ITPR2: variants seen among roughly 807,000 people sequenced by gnomAD.
ITPR2 encodes the protein inositol 1,4,5-trisphosphate receptor type 2.
ITPR2 carries 207 observed loss-of-function variants against 317.1 expected under a neutral mutation model. That is an observed-to-expected ratio of 0.65 (90% CI 0.58 to 0.73). ITPR2 has a LOEUF of 0.73. ITPR2 is among the 30% of genes least tolerant of loss of function. The probability of loss-of-function intolerance (pLI) is 0.00; values close to 1 mark genes in which losing one functional copy is unlikely to be tolerated. For missense variants in ITPR2, 2,613 were observed against 3,284.0 expected, an observed-to-expected ratio of 0.80 and a Z score of 4.99; for synonymous variants, 1,156 against 1,149.1, an observed-to-expected ratio of 1.01 and a Z score of -0.12.
chr12:26,360,545 C>G (rs958701600), intron 55 of ITPR2, among the ~76,000 whole-genome samples: 2 of 152,216 alleles, frequency 1.3e-5, no homozygotes, highest in East Asian at 3.9e-4. Flanking sequence ...GTGGCTTCCA[C>G]ATACTGCCAG....
chr12:26,458,240 G>A (rs1337583726), intron 45 of ITPR2, among the ~76,000 whole-genome samples: 1 of 152,190 alleles, frequency 6.6e-6, no homozygotes, highest in Admixed American at 6.5e-5. Flanking sequence ...GGAGTGAGCA[G>A]CTCTGCCAGG....
chr12:26,600,417 A>T (rs1247784024), intron 28 of ITPR2, among the ~76,000 whole-genome samples: 1 of 151,344 alleles, frequency 6.6e-6, no homozygotes, highest in Non-Finnish European at 1.5e-5. Flanking sequence ...ACGTTTCCTC[A>T]TCTCTGTACA....
chr12:26,516,285 G>GGGAAAGGAAA lies in ITPR2; in HGVS notation c.5074-21035_5074-21026dup, dbSNP rs1230277194. ...AGGAAAGGAAAGGAAGGGAAGGGAA[G>GGGAAAGGAAA]GGAAAGGAAAGGAAAGGAAAGGAAA... On this transcript the variant is annotated intron_variant, in intron 37 of 56. Transcript: ENST00000381340. Among the ~76,000 whole-genome samples, 309 of 42,536 alleles carry GGGAAAGGAAA rather than the reference G, an allele frequency of 7.3e-3. 6 individuals carry two copies. Among genetic ancestry groups the GGGAAAGGAAA allele is most frequent in the African/African-American group, 0.019 (158 of 8,316 alleles). 27.9% of individuals were successfully genotyped at this position (42,536 alleles called of 152,430 possible).
intron 21 of ITPR2, among the ~76,000 whole-genome samples, chr12:26,634,572 C>T (rs1172760091): frequency 6.6e-6 from 1 of 152,064 alleles, no homozygotes; most frequent in African/African-American, 2.4e-5. Flanking sequence ...TGGAAGTCAT[C>T]TTTGCTAAGT....
intron 2 of ITPR2, among the ~76,000 whole-genome samples, chr12:26,772,491 C>CATTATTATATATAATAT (rs3064583): frequency 9.9e-6 from 1 of 100,506 alleles, no homozygotes; most frequent in Non-Finnish European, 2.1e-5. Context: ...ATATATAATA[C>CATTATTATATATAATAT]ATATAATACA....
chr12:26,338,555 T>G lies in ITPR2; in HGVS notation c.*842A>C, dbSNP rs1296656156. 6.6e-6 allele frequency: 1 copy of G among 152,462 alleles called. No homozygotes were observed. The highest frequency in any genetic ancestry group is 1.9e-4 in the East Asian group (1 of 5,200). The allele number at this position is 152,462 out of a possible 1,614,324, so 9.4% of individuals were successfully genotyped here. On this transcript the variant is annotated 3_prime_UTR_variant, in exon 57 of 57. Coordinates refer to ENST00000381340, the MANE Select transcript of ITPR2 (RefSeq NM_002223.4). ...TTCCTATCACTTTTAAGCATTTTCA[T>G]GTATTAATCTCAATATATTTTAATA...
intron 1 of ITPR2, among the ~76,000 whole-genome samples, chr12:26,794,383 G>A (rs544951272): frequency 6.6e-6 from 1 of 152,268 alleles, no homozygotes; most frequent in East Asian, 1.9e-4. Flanking sequence ...AAGAGAAAAT[G>A]CATCGTTTTC....
Position 26,678,279 on chromosome 12 carries a change from G to C in ITPR2, c.1409+3595C>G, listed in dbSNP as rs374526439. Among the ~76,000 whole-genome samples the C allele has an allele frequency of 1.7e-4, 26 of 152,220 alleles. No individual in the cohort carries two copies. The East Asian group carries it at 2.7e-3, about 16-fold the overall frequency. On this transcript the variant is annotated intron_variant, in intron 13 of 56. Transcript: ENST00000381340. Reference sequence around the variant, plus strand: ...ATATGTTCCCAGTCCTCTCTATTTTGTGGGTGCAATTATGTAGAATAAGAT... The same window carrying C: ...ATATGTTCCCAGTCCTCTCTATTTTCTGGGTGCAATTATGTAGAATAAGAT...
At chr12:26,497,618 C>T (rs1942969798) in intron 37 of ITPR2, among the ~76,000 whole-genome samples, 1 of 152,164 alleles carries the variant, frequency 6.6e-6, no homozygotes, top group Admixed American at 6.5e-5. Context: ...ATGGCATAGC[C>T]TGTCTACTAA....
chr12:26,600,149 G>A (rs779580194), intron 28 of ITPR2, 40 bp from the exon 29 acceptor site: 21 of 1,562,206 alleles, frequency 1.3e-5, no homozygotes, highest in Non-Finnish European at 3.5e-6. Flanking sequence ...AACAAACATA[G>A]GAGACAGCAA....
chr12:26,493,781 T>C (rs1310970106), intron 39 of ITPR2, among the ~76,000 whole-genome samples: 1 of 152,180 alleles, frequency 6.6e-6, no homozygotes, highest in Admixed American at 6.5e-5. Flanking sequence ...CTCGGGCTCA[T>C]GCAGCATGTT....
At chr12:26,555,172 C>T (rs1944628655) in intron 36 of ITPR2, among the ~76,000 whole-genome samples, 2 of 152,178 alleles carry the variant, frequency 1.3e-5, no homozygotes, top group African/African-American at 4.8e-5. Flanking sequence ...TTTTCTCATC[C>T]CATACCTTGT....
intron 21 of ITPR2, among the ~76,000 whole-genome samples, chr12:26,637,804 A>G (rs7972382): frequency 0.84 from 127,169 of 152,142 alleles, 53,430 homozygotes; most frequent in East Asian, 0.97. Flanking sequence ...CGGCATGATC[A>G]AAACACAATA....
At chr12:26,782,008 A>G (rs1950089387) in intron 2 of ITPR2, among the ~76,000 whole-genome samples, 1 of 28,326 alleles carries the variant, frequency 3.5e-5, no homozygotes, top group South Asian at 1.3e-3. Context: ...ATATATATAT[A>G]TATATATATA....
intron 37 of ITPR2, among the ~76,000 whole-genome samples, chr12:26,516,130 A>AAAAAG (rs958987215): frequency 1.4e-5 from 2 of 144,846 alleles, no homozygotes; most frequent in Admixed American, 1.4e-4. Context: ...TCTCAAAAGA[A>AAAAAG]AAAAGAAAAG....
chr12:26,811,867 A>G (rs568310172), intron 1 of ITPR2, among the ~76,000 whole-genome samples: 205 of 148,882 alleles, frequency 1.4e-3, no homozygotes, highest in African/African-American at 4.5e-3. Flanking sequence ...AAAAAAAAAA[A>G]AAAAAGAAAT....
chr12:26,722,973 T>C (rs1289437882), intron 4 of ITPR2, among the ~76,000 whole-genome samples: 1 of 152,092 alleles, frequency 6.6e-6, no homozygotes, highest in Non-Finnish European at 1.5e-5. Context: ...CCACTTACTA[T>C]TATTAACCAG....
intron 2 of ITPR2, among the ~76,000 whole-genome samples, chr12:26,789,521 T>C (rs147739969): frequency 5.3e-5 from 8 of 152,358 alleles, no homozygotes; most frequent in Non-Finnish European, 1.0e-4. Flanking sequence ...ATTATAATTA[T>C]GTACCAATTA....
At chr12:26,803,277 A>G (rs1950589531) in intron 1 of ITPR2, among the ~76,000 whole-genome samples, 1 of 152,118 alleles carries the variant, frequency 6.6e-6, no homozygotes, top group Non-Finnish European at 1.5e-5. Flanking sequence ...CCAATAAACA[A>G]TGAGCTCCTT....
Sources: allele counts gnomAD v4.1 joint callset (sites outside exome capture counted in the v4.1 genomes callset), GRCh38; gene constraint gnomAD v4.1.1; transcripts MANE v1.5; gene names NCBI Gene and HGNC (gene_info 2026-07-23, HGNC 2026-07-21).